Variants in LUZP2 observed in about 807,000 individuals in gnomAD.
LUZP2 encodes the protein leucine zipper protein 2.
A neutral mutation model predicts 51.6 loss-of-function variants in LUZP2; 52 were observed. That is an observed-to-expected ratio of 1.01 (90% confidence interval 0.81 to 1.27). LUZP2 has a LOEUF of 1.27. Among genes scored for constraint, LUZP2 ranks in the 50% most tolerant of loss-of-function variants. The probability of loss-of-function intolerance (pLI) is 0.00; values close to 1 mark genes in which losing one functional copy is unlikely to be tolerated. For synonymous variants in LUZP2, 154 were observed against 137.3 expected, an observed-to-expected ratio of 1.12 and a Z score of -0.85; for missense variants, 436 against 395.4, an observed-to-expected ratio of 1.10 and a Z score of -0.87.
At chr11:24,717,055 A>T (rs1045219443) in intron 1 of LUZP2, among the ~76,000 whole-genome samples, 16 of 152,116 alleles carry the variant, frequency 1.1e-4, no homozygotes, top group Non-Finnish European at 2.2e-4. Flanking sequence ...TGAATATATG[A>T]CATGCATATT....
intron 1 of LUZP2, among the ~76,000 whole-genome samples, chr11:24,676,887 G>A (rs369096299): frequency 5.3e-5 from 8 of 152,052 alleles, no homozygotes; most frequent in South Asian, 2.1e-4. Flanking sequence ...GGCTGGTTTC[G>A]AACTCCTGAA....
chr11:24,642,928 T>C (rs1453156952), intron 1 of LUZP2, among the ~76,000 whole-genome samples: 3 of 152,042 alleles, frequency 2.0e-5, no homozygotes, highest in African/African-American at 7.2e-5. Flanking sequence ...TAAACTGAAT[T>C]AGCAGGATTG....
chr11:24,584,077 A>G (rs1852974051), intron 1 of LUZP2, among the ~76,000 whole-genome samples: 1 of 152,084 alleles, frequency 6.6e-6, no homozygotes, highest in South Asian at 2.1e-4. Flanking sequence ...ATATATATCT[A>G]TATAGAGAGA....
At chr11:24,626,724 C>A (rs371619447) in intron 1 of LUZP2, among the ~76,000 whole-genome samples, 6 of 152,150 alleles carry the variant, frequency 3.9e-5, no homozygotes, top group African/African-American at 9.6e-5. Context: ...GAAGGCTAAT[C>A]AATATCAAAA....
chr11:24,974,816 A>G (rs1266550842), intron 7 of LUZP2, among the ~76,000 whole-genome samples: 1 of 152,134 alleles, frequency 6.6e-6, no homozygotes, highest in African/African-American at 2.4e-5. Flanking sequence ...CAGTATATCC[A>G]AAGCATATTG....
At position 25,056,392 on chromosome 11, in the gene LUZP2, A is replaced by G. The variant is rs1055557701; in HGVS notation, c.858+6262A>G. On this transcript the variant is annotated intron_variant, in intron 10 of 11. Transcript: ENST00000336930. ...GCATCTCTTTCAATTTCAGGATTCT[A>G]TAATTATCAGCAACCTCACCACCCT... Among the ~76,000 whole-genome samples, 7 of 152,122 alleles carry G rather than the reference A, an allele frequency of 4.6e-5. No homozygotes were observed. The East Asian group carries it at 9.6e-4, about 21-fold the overall frequency.
intron 5 of LUZP2, among the ~76,000 whole-genome samples, chr11:24,894,749 T>G (rs2133765386): frequency 6.6e-6 from 1 of 152,298 alleles, no homozygotes; most frequent in East Asian, 1.9e-4. Flanking sequence ...ACTTTGGAGC[T>G]TTCTAAAGAA....
chr11:24,618,499 T>C (rs899300137), intron 1 of LUZP2, among the ~76,000 whole-genome samples: 1 of 152,174 alleles, frequency 6.6e-6, no homozygotes, highest in African/African-American at 2.4e-5. Context: ...GGTGGTTGCC[T>C]ATGTTTTTGG....
At chr11:24,545,104 A>G (rs1208308680) in intron 1 of LUZP2, among the ~76,000 whole-genome samples, 1 of 151,342 alleles carries the variant, frequency 6.6e-6, no homozygotes, top group Non-Finnish European at 1.5e-5. Context: ...ATGTCTGTTC[A>G]TGTCCTTTGC....
chr11:24,758,747 C>A (rs565629852), intron 4 of LUZP2, among the ~76,000 whole-genome samples: 1 of 151,926 alleles, frequency 6.6e-6, no homozygotes, highest in African/African-American at 2.4e-5. Context: ...CTTGACTAAA[C>A]ATCAAATTAC....
intron 9 of LUZP2, among the ~76,000 whole-genome samples, chr11:25,030,716 C>T (rs1158953364): frequency 6.7e-6 from 1 of 149,806 alleles, no homozygotes; most frequent in Non-Finnish European, 1.5e-5. Context: ...ATTTGTTTTC[C>T]TCATTTTGAG....
At chr11:24,874,883 T>C (rs1378861934) in intron 5 of LUZP2, among the ~76,000 whole-genome samples, 2 of 152,132 alleles carry the variant, frequency 1.3e-5, no homozygotes, top group African/African-American at 4.8e-5. Context: ...GTGGCAAATA[T>C]TGATAGTTTT....
chr11:24,576,427 A>G lies in LUZP2; in HGVS notation c.62+79122A>G, dbSNP rs865956504. The stretch of plus-strand genomic sequence containing the variant: ...GACTCCATCTCAAAAAAAAAAAAAA[A>G]AAAAAAAGGAAAAAATACTAACTTA... On this transcript the variant is annotated intron_variant, in intron 1 of 11. Transcript: ENST00000336930. 9.9e-3 allele frequency among the ~76,000 whole-genome samples: 1,492 copies of G among 151,260 alleles called. 30 individuals are homozygous for G. The highest frequency in any genetic ancestry group is 0.034 in the African/African-American group (1,407 of 41,254).
At chr11:24,578,752 C>T (rs7119053) in intron 1 of LUZP2, among the ~76,000 whole-genome samples, 27,867 of 151,836 alleles carry the variant, frequency 0.18, 2,922 homozygotes, top group African/African-American at 0.27. Context: ...GACATAGAGA[C>T]AGAAACAATA....
chr11:24,661,611 C>A (rs973973897), intron 1 of LUZP2, among the ~76,000 whole-genome samples: 17 of 152,106 alleles, frequency 1.1e-4, no homozygotes, highest in Admixed American at 3.3e-4. Context: ...TTTCTAGGAC[C>A]ACTGAGCTCA....
At position 24,732,155 on chromosome 11, in the gene LUZP2, T is replaced by G; in HGVS notation, c.218T>G (p.Val73Gly). The change falls in exon 3 of 12, where the codon GTT (valine) becomes GGT (glycine). Residue 73 changes from valine (V) to glycine (G), a missense_variant. Val to Gly is a moderately radical substitution (Grantham distance 109). Transcript: ENST00000336930. The stretch of plus-strand genomic sequence containing the variant: ...GATGAGCAGTCTGCCAAAACTGATG[T>G]TCAGAAACTTCTGGAATTAGGACAG... ...KNDEQSAKTD[V>G]QKLLELGQKQ... The G allele has an allele frequency of 6.2e-7, 1 of 1,609,678 alleles. No individual in the cohort carries two copies. The highest frequency in any genetic ancestry group is 1.1e-5 in the South Asian group (1 of 90,664).
intron 1 of LUZP2, among the ~76,000 whole-genome samples, chr11:24,504,264 C>T (rs948615537): frequency 1.6e-4 from 24 of 152,192 alleles, no homozygotes; most frequent in African/African-American, 5.5e-4. Flanking sequence ...GGGCAGCATG[C>T]TAACTATCTT....
rs3992984 is a variant in LUZP2 at position 24,545,555 on chromosome 11, C to CTTTTTTTTTTTTTTTTTT, written c.62+48267_62+48268insTTTTTTTTTTTTTTTTTT. The stretch of plus-strand genomic sequence containing the variant: ...TGGGGAGTCCTTTCATTGTTGCTTG[C>CTTTTTTTTTTTTTTTTTT]TTTTTTTTTTTTTTTTTGACAGCTT... On this transcript the variant is annotated intron_variant, in intron 1 of 11. Coordinates refer to ENST00000336930, the MANE Select transcript of LUZP2 (RefSeq NM_001009909.4). Among the ~76,000 whole-genome samples, 6 of 120,798 alleles carry CTTTTTTTTTTTTTTTTTT rather than the reference C, an allele frequency of 5.0e-5. 2 individuals are homozygous for CTTTTTTTTTTTTTTTTTT. The highest frequency in any genetic ancestry group is 5.0e-5 in the Non-Finnish European group (3 of 60,482). 79.2% of individuals were successfully genotyped at this position (120,798 alleles called of 152,430 possible).
intron 1 of LUZP2, among the ~76,000 whole-genome samples, chr11:24,562,746 T>C (rs536893670): frequency 6.7e-5 from 10 of 149,528 alleles, no homozygotes; most frequent in Non-Finnish European, 1.2e-4. Flanking sequence ...CCTGTAGTCC[T>C]AGCTACTTGG....
Sources: gnomAD v4.1 joint callset for allele counts (sites outside exome capture counted in the v4.1 genomes callset) on GRCh38, gnomAD v4.1.1 for gene constraint, MANE v1.5 for transcripts, NCBI Gene and HGNC (gene_info 2026-07-23, HGNC 2026-07-21) for gene names.